The following NR3C1 variants were observed in gnomAD, a reference collection of about 807,000 sequenced individuals.
NR3C1 encodes nuclear receptor subfamily 3 group C member 1.
A neutral mutation model predicts 74.0 loss-of-function variants in NR3C1; 14 were observed. That is an observed-to-expected ratio of 0.19 (90% confidence interval 0.12 to 0.30). NR3C1 has a LOEUF of 0.30. Among genes scored for constraint, NR3C1 ranks in the 10% least tolerant of loss-of-function variants. The pLI, the probability that NR3C1 is intolerant of heterozygous loss-of-function variation, is 1.00. For missense variants in NR3C1, 695 were observed against 909.8 expected, an observed-to-expected ratio of 0.76 and a Z score of 3.04; for synonymous variants, 308 against 332.5, an observed-to-expected ratio of 0.93 and a Z score of 0.80.
intron 2 of NR3C1, among the ~76,000 whole-genome samples, chr5:143,320,863 G>A (rs1823213056): frequency 6.6e-6 from 1 of 152,138 alleles, no homozygotes; most frequent in African/African-American, 2.4e-5. Flanking sequence ...AATAAGTCTT[G>A]AGACCCCAAG....
At chr5:143,329,213 A>G (rs1825343157) in intron 2 of NR3C1, among the ~76,000 whole-genome samples, 1 of 152,216 alleles carries the variant, frequency 6.6e-6, no homozygotes, top group South Asian at 2.1e-4. Flanking sequence ...ACATGGTGGC[A>G]GGAGAGAGAG....
chr5:143,353,960 C>A (rs1830661695), intron 2 of NR3C1, among the ~76,000 whole-genome samples: 1 of 152,176 alleles, frequency 6.6e-6, no homozygotes. Context: ...CATGGAAAAT[C>A]TATTATTTAG....
intron 2 of NR3C1, chr5:143,332,718 G>A (rs1283683697): frequency 1.3e-6 from 2 of 1,584,750 alleles, no homozygotes; most frequent in Non-Finnish European, 1.7e-6. Flanking sequence ...ACGACTAGAA[G>A]TGAAACCTCA....
chr5:143,373,954 C>T (rs1028198892), intron 2 of NR3C1, among the ~76,000 whole-genome samples: 2 of 152,104 alleles, frequency 1.3e-5, no homozygotes, highest in South Asian at 4.1e-4. Flanking sequence ...TATGGTATGA[C>T]ACAAAAAATG....
rs115412371 is a variant in NR3C1 at position 143,331,601 on chromosome 5, G to A, written c.1185-17433C>T. Among the ~76,000 whole-genome samples, 267 of 152,246 alleles carry A rather than the reference G, an allele frequency of 1.8e-3. 1 individual carries two copies. Among genetic ancestry groups the A allele is most frequent in the Admixed American group, 5.6e-3 (86 of 15,294 alleles). ...TATACACCATGGAATTCTACACAGC[G>A]ATAAAAAGAATGAAATCATGTCCTT... On this transcript the variant is annotated intron_variant, in intron 2 of 8. Transcript: ENST00000394464.
At chr5:143,373,892 C>T (rs1834680619) in intron 2 of NR3C1, among the ~76,000 whole-genome samples, 1 of 151,988 alleles carries the variant, frequency 6.6e-6, no homozygotes, top group Non-Finnish European at 1.5e-5. Flanking sequence ...TTCTTACACA[C>T]ATATATTTTC....
chr5:143,420,507 G>C (rs1048512591), intron 1 of NR3C1, among the ~76,000 whole-genome samples: 4 of 152,186 alleles, frequency 2.6e-5, no homozygotes, highest in African/African-American at 9.7e-5. Flanking sequence ...CAACAGGGGA[G>C]ATCATAGACA....
chr5:143,355,872 AT>A (rs892893279), intron 2 of NR3C1, among the ~76,000 whole-genome samples: 2 of 152,190 alleles, frequency 1.3e-5, no homozygotes, highest in African/African-American at 4.8e-5. Flanking sequence ...GTTAAAAGGC[AT>A]TTTCCTAACC....
chr5:143,333,213 A>T, intron 2 of NR3C1: 1 of 1,518,086 alleles, frequency 6.6e-7, no homozygotes, highest in Non-Finnish European at 9.0e-7. Flanking sequence ...TGAACGCATC[A>T]ATCAGCTCAT....
chr5:143,363,248 AT>A (rs1477627133), intron 2 of NR3C1, among the ~76,000 whole-genome samples: 1 of 152,222 alleles, frequency 6.6e-6, no homozygotes, highest in Non-Finnish European at 1.5e-5. Context: ...AATTTACAGA[AT>A]TAGCCATGAA....
intron 2 of NR3C1, among the ~76,000 whole-genome samples, chr5:143,367,956 AG>A (rs1833550497): frequency 6.6e-6 from 1 of 152,352 alleles, no homozygotes; most frequent in South Asian, 2.1e-4. Context: ...ATCTTAAAAA[AG>A]AACAAAGTTG....
At chr5:143,394,844 T>A (rs1053441586) in intron 2 of NR3C1, among the ~76,000 whole-genome samples, 11 of 152,086 alleles carry the variant, frequency 7.2e-5, no homozygotes, top group African/African-American at 2.6e-4. Flanking sequence ...TGATCCAAAC[T>A]GTTAGTTTTC....
chr5:143,339,868 A>G (rs1394260153), intron 2 of NR3C1, among the ~76,000 whole-genome samples: 5 of 152,364 alleles, frequency 3.3e-5, no homozygotes, highest in Non-Finnish European at 5.9e-5. Flanking sequence ...AGAAGAATGA[A>G]GAAAAATTAA....
At chr5:143,296,180 A>C (rs374046501) in intron 6 of NR3C1, among the ~76,000 whole-genome samples, 3 of 152,156 alleles carry the variant, frequency 2.0e-5, no homozygotes, top group Admixed American at 6.5e-5. Flanking sequence ...TTACATACCT[A>C]TGATTTTCAA....
At chr5:143,396,523 T>G (rs1839215425) in intron 2 of NR3C1, among the ~76,000 whole-genome samples, 2 of 151,840 alleles carry the variant, frequency 1.3e-5, no homozygotes, top group African/African-American at 4.8e-5. Flanking sequence ...ATTTCCTCTT[T>G]TTCTGAGAAA....
intron 2 of NR3C1, among the ~76,000 whole-genome samples, chr5:143,391,929 C>T (rs988417536): frequency 1.2e-4 from 19 of 152,220 alleles, no homozygotes; most frequent in African/African-American, 4.6e-4. Flanking sequence ...AAAAATTCCA[C>T]CTTGCATTTT....
chr5:143,423,244 A>G (rs1751330327), intron 1 of NR3C1, among the ~76,000 whole-genome samples: 1 of 152,216 alleles, frequency 6.6e-6, no homozygotes, highest in Non-Finnish European at 1.5e-5. Context: ...CTGATAAGGG[A>G]TTAATAAACA....
At chr5:143,336,772 G>A (rs1010704121) in intron 2 of NR3C1, among the ~76,000 whole-genome samples, 3 of 149,174 alleles carry the variant, frequency 2.0e-5, no homozygotes, top group Non-Finnish European at 4.5e-5. Flanking sequence ...AGGAGTTCAA[G>A]TGAGGAGTTC....
chr5:143,306,446 C>A (rs1451054888), intron 4 of NR3C1, among the ~76,000 whole-genome samples: 1 of 152,078 alleles, frequency 6.6e-6, no homozygotes, highest in Non-Finnish European at 1.5e-5. Context: ...ACATACCAGG[C>A]CAAATAAAGA....
Sources: allele counts gnomAD v4.1 joint callset (sites outside exome capture counted in the v4.1 genomes callset), GRCh38; gene constraint gnomAD v4.1.1; transcripts MANE v1.5; gene names NCBI Gene and HGNC (gene_info 2026-07-23, HGNC 2026-07-21).